Variants in CSRNP3 observed in about 807,000 individuals in gnomAD.
CSRNP3 encodes the protein cysteine/serine-rich nuclear protein 3.
CSRNP3 carries 12 observed loss-of-function variants against 48.0 expected under a neutral mutation model. That is an observed-to-expected ratio of 0.25 (90% CI 0.16 to 0.41). The LOEUF (loss-of-function observed/expected upper bound fraction) is 0.41, where lower values mean the gene tolerates loss of function less well. Among genes scored for constraint, CSRNP3 ranks in the 10% least tolerant of loss-of-function variants. The probability of loss-of-function intolerance (pLI) is 1.00; values close to 1 mark genes in which losing one functional copy is unlikely to be tolerated. For synonymous variants in CSRNP3, 263 were observed against 269.7 expected (o/e 0.98, Z 0.24); for missense variants, 580 against 724.4 (o/e 0.80, Z 2.29).
intron 3 of CSRNP3, among the ~76,000 whole-genome samples, chr2:165,520,769 A>ATT (rs1327851688): frequency 5.1e-4 from 25 of 49,304 alleles, no homozygotes; most frequent in African/African-American, 2.1e-3. Flanking sequence ...ATAGAAATAT[A>ATT]TTATATATAT....
intron 3 of CSRNP3, among the ~76,000 whole-genome samples, chr2:165,593,434 G>A (rs1685756201): frequency 6.6e-6 from 1 of 152,182 alleles, no homozygotes; most frequent in African/African-American, 2.4e-5. Flanking sequence ...TTTCTGATTT[G>A]TAGATCTGGG....
At position 165,679,151 on chromosome 2, in the gene CSRNP3, G is replaced by A. The variant is rs999511468; in HGVS notation, c.1156G>A (p.Asp386Asn). ...AGAGGAAGAGGAGGAGGAGGATGAC[G>A]ATGATGACAAAGGAGATGGCTTCGT... ...EEEEEEEEDD[D>N]DDKGDGFVEG... The change falls in exon 7 of 7, where the codon GAT (aspartate) becomes AAT (asparagine). Residue 386 changes from aspartate (D) to asparagine (N), a missense_variant. Asp to Asn is a conservative substitution (Grantham distance 23). Transcript: ENST00000651982. 3.7e-6 allele frequency: 6 copies of A among 1,613,698 alleles called. No individual in the cohort carries two copies. The highest frequency in any genetic ancestry group is 2.7e-5 in the African/African-American group (2 of 74,862).
In CSRNP3 at chr2:165,679,121, G is replaced by C. The variant is rs746285154; in HGVS notation, c.1126G>C (p.Glu376Gln). 3.2e-5 allele frequency: 51 copies of C among 1,613,736 alleles called. No homozygotes were observed. The highest frequency in any genetic ancestry group is 2.0e-5 in the Non-Finnish European group (24 of 1,179,954). The change falls in exon 7 of 7, where the codon GAA becomes CAA. Residue 376 changes from glutamate to glutamine, a missense_variant. Glu to Gln is a conservative substitution (Grantham distance 29). Around this residue, in one of 4 missense-constraint regions of CSRNP3, gnomAD observed 369 missense variants for 380.8 expected, o/e 0.97. Transcript: ENST00000651982. ...TGAGTCAGACGAGGAGGAGGAGGAA[G>C]AAGAAGAGGAAGAGGAGGAGGAGGA... ...PSESDEEEEE[E>Q]EEEEEEEDDD...
intron 1 of CSRNP3, 136 bp downstream of exon 1, chr2:165,469,876 ATTAC>A (rs1683869397): frequency 6.6e-6 from 1 of 152,144 alleles, no homozygotes; most frequent in African/African-American, 2.4e-5. Context: ...TGTCCCTTTT[ATTAC>A]TTGAGGAAGC....
chr2:165,563,107 C>T (rs1685254968), intron 3 of CSRNP3, among the ~76,000 whole-genome samples: 1 of 152,162 alleles, frequency 6.6e-6, no homozygotes, highest in African/African-American at 2.4e-5. Flanking sequence ...TTAAAACTAC[C>T]TCTCAAATTG....
At position 165,553,486 on chromosome 2, in the gene CSRNP3, T is replaced by C. The variant is rs145075083; in HGVS notation, c.-24+35525T>C. Among the ~76,000 whole-genome samples, 387 of 152,338 alleles carry C rather than the reference T, an allele frequency of 2.5e-3. 1 individual carries two copies. The highest frequency in any genetic ancestry group is 8.4e-3 in the African/African-American group (349 of 41,576). On this transcript the variant is annotated intron_variant, in intron 3 of 6. Transcript: ENST00000651982. The stretch of plus-strand genomic sequence containing the variant: ...GCTAAGGTATTTCCATTTAAATTCA[T>C]AACCACTAATTTCAGCTGAATATAG...
chr2:165,609,988 G>A lies in CSRNP3; in HGVS notation c.148+14775G>A, dbSNP rs75975253. ...CATTAGTCCTAAAATATCATGAGTC[G>A]AGAATAATAATCACAGCAGTAATAA... is the stretch of plus-strand genomic sequence containing the variant. On this transcript the variant is annotated intron_variant, in intron 4 of 6. Coordinates refer to ENST00000651982, the MANE Select transcript of CSRNP3 (RefSeq NM_001172173.2). Among the ~76,000 whole-genome samples, 225 of 152,220 alleles carry A rather than the reference G, an allele frequency of 1.5e-3. 4 individuals are homozygous for A. The East Asian group carries it at 0.034, about 23-fold the overall frequency.
intron 4 of CSRNP3, among the ~76,000 whole-genome samples, chr2:165,647,391 C>T: frequency 6.6e-6 from 1 of 152,070 alleles, no homozygotes; most frequent in Non-Finnish European, 1.5e-5. Context: ...AAAAAACCAG[C>T]CTTTAAAAAT....
At chr2:165,521,196 T>G (rs17249606) in intron 3 of CSRNP3, among the ~76,000 whole-genome samples, 25,574 of 149,140 alleles carry the variant, frequency 0.17, 2,391 homozygotes, top group Non-Finnish European at 0.2. Flanking sequence ...AAAAAGAAAA[T>G]TAGAGATGCA....
intron 1 of CSRNP3, among the ~76,000 whole-genome samples, chr2:165,479,690 G>A (rs763289357): frequency 8.6e-5 from 13 of 152,012 alleles, no homozygotes; most frequent in South Asian, 2.1e-4. Flanking sequence ...TTCAAGATGC[G>A]CCTGGGCAAC....
chr2:165,483,822 A>C (rs1684078965), intron 1 of CSRNP3, among the ~76,000 whole-genome samples: 1 of 151,032 alleles, frequency 6.6e-6, no homozygotes, highest in Non-Finnish European at 1.5e-5. Context: ...TTCATGACTT[A>C]CTTATGTCCC....
At chr2:165,632,557 C>T (rs978783514) in intron 4 of CSRNP3, among the ~76,000 whole-genome samples, 2 of 152,094 alleles carry the variant, frequency 1.3e-5, no homozygotes, top group Non-Finnish European at 2.9e-5. Flanking sequence ...TTCTCTCTCC[C>T]CATGAATGTT....
At chr2:165,483,162 G>A (rs1684070721) in intron 1 of CSRNP3, among the ~76,000 whole-genome samples, 1 of 151,898 alleles carries the variant, frequency 6.6e-6, no homozygotes, top group African/African-American at 2.4e-5. Context: ...GGGCATTCAG[G>A]TGCCCTTTTC....
intron 3 of CSRNP3, among the ~76,000 whole-genome samples, chr2:165,554,754 T>TCAAA (rs972405315): frequency 6.6e-6 from 1 of 152,202 alleles, no homozygotes; most frequent in African/African-American, 2.4e-5. Context: ...TGCTCTCCTT[T>TCAAA]CAAACAGCCA....
At chr2:165,616,537 T>TA (rs1022913546) in intron 4 of CSRNP3, among the ~76,000 whole-genome samples, 77 of 152,366 alleles carry the variant, frequency 5.1e-4, no homozygotes, top group African/African-American at 1.7e-3. Flanking sequence ...TTTGCTGAGT[T>TA]ATTTTTAACT....
At chr2:165,667,137 G>A (rs907753553) in intron 5 of CSRNP3, among the ~76,000 whole-genome samples, 2 of 150,258 alleles carry the variant, frequency 1.3e-5, no homozygotes, top group Admixed American at 6.6e-5. Context: ...GAAAGAAAGA[G>A]AGAGAGAAAA....
intron 4 of CSRNP3, among the ~76,000 whole-genome samples, chr2:165,643,135 G>T (rs534114283): frequency 1.3e-5 from 2 of 152,116 alleles, no homozygotes; most frequent in African/African-American, 4.8e-5. Context: ...TAACACATGT[G>T]TATTGAATAT....
At chr2:165,473,808 T>G (rs1197922005) in intron 1 of CSRNP3, among the ~76,000 whole-genome samples, 1 of 152,200 alleles carries the variant, frequency 6.6e-6, no homozygotes, top group East Asian at 1.9e-4. Context: ...CTAAATTGTT[T>G]GAGCTGAAAA....
intron 5 of CSRNP3, among the ~76,000 whole-genome samples, chr2:165,666,736 AAG>A (rs533910110): frequency 2.2e-3 from 301 of 133,818 alleles, no homozygotes; most frequent in Admixed American, 3.5e-3. Flanking sequence ...GGAAAACAGA[AAG>A]AGAGAGGAAG....
Sources: allele counts gnomAD v4.1 joint callset (sites outside exome capture counted in the v4.1 genomes callset), GRCh38; gene constraint gnomAD v4.1.1; regional missense constraint gnomAD v4.1.1; transcripts MANE v1.5; gene names NCBI Gene and HGNC (gene_info 2026-07-23, HGNC 2026-07-21).